Variants in MED27 observed in about 807,000 individuals in gnomAD.
The protein encoded by MED27 is mediator of RNA polymerase II transcription subunit 27.
In MED27, 30 loss-of-function variants were observed where a neutral mutation model predicts 38.2. That is an observed-to-expected ratio of 0.79 (90% CI 0.59 to 1.07). MED27 has a LOEUF of 1.07. Ranked by LOEUF, MED27 falls within the 50% of genes least tolerant of loss-of-function variation. MED27 has a pLI of 0.00. For missense variants in MED27, 289 were observed against 397.5 expected, an observed-to-expected ratio of 0.73 and a Z score of 2.32; for synonymous variants, 122 against 153.5, an observed-to-expected ratio of 0.79 and a Z score of 1.52.
chr9:131,867,522 C>T (rs949487222), intron 6 of MED27, among the ~76,000 whole-genome samples: 1 of 152,228 alleles, frequency 6.6e-6, no homozygotes, highest in African/African-American at 2.4e-5. Flanking sequence ...GGAAATGGGC[C>T]ACCATGTTGG....
At chr9:132,005,655 A>G (rs1392150771) in intron 3 of MED27, among the ~76,000 whole-genome samples, 1 of 152,202 alleles carries the variant, frequency 6.6e-6, no homozygotes, top group Admixed American at 6.5e-5. Context: ...ATAATTTTCC[A>G]TCTAAGATCC....
chr9:132,077,668 C>A, intron 1 of MED27, 82 bp from the exon 2 acceptor site: 2 of 1,392,762 alleles, frequency 1.4e-6, no homozygotes, highest in East Asian at 4.8e-5. Context: ...TCAAAGACTG[C>A]TCTTCAAACC....
intron 2 of MED27, among the ~76,000 whole-genome samples, chr9:132,054,952 T>C (rs541077580): frequency 6.6e-6 from 1 of 152,232 alleles, no homozygotes; most frequent in East Asian, 1.9e-4. Flanking sequence ...CCTGGTCTTC[T>C]CTAGGGTACC....
In MED27 at chr9:131,883,053, G is replaced by A. The variant is rs1413786274; in HGVS notation, c.723+1005C>T. The stretch of plus-strand genomic sequence containing the variant: ...CTCCTGAGTAGCTAGGATTATAGGC[G>A]CCCGCCACCATGCCCGGCTAATTTT... On this transcript the variant is annotated intron_variant, in intron 6 of 7. Coordinates refer to ENST00000292035, the MANE Select transcript of MED27 (RefSeq NM_004269.4). This position sits in a 1 kb window ranked among gnomAD's most constrained non-coding sequence, Gnocchi z 4.2. 2.0e-5 allele frequency among the ~76,000 whole-genome samples: 3 copies of A among 152,056 alleles called. No individual in the cohort carries two copies. Among genetic ancestry groups the A allele is most frequent in the African/African-American group, 7.2e-5 (3 of 41,380 alleles).
At chr9:132,018,716 C>A (rs1009187566) in intron 2 of MED27, among the ~76,000 whole-genome samples, 2 of 152,168 alleles carry the variant, frequency 1.3e-5, no homozygotes, top group African/African-American at 4.8e-5. Flanking sequence ...CACTGCTCTA[C>A]CCTTGCCATC....
At chr9:132,034,821 T>C (rs1310381867) in intron 2 of MED27, among the ~76,000 whole-genome samples, 2 of 152,176 alleles carry the variant, frequency 1.3e-5, no homozygotes. Flanking sequence ...ATGTAGGTCT[T>C]CATTATAAAA....
chr9:131,902,363 T>C (rs781583493), intron 4 of MED27, among the ~76,000 whole-genome samples: 1 of 152,032 alleles, frequency 6.6e-6, no homozygotes, highest in Admixed American at 6.6e-5. Flanking sequence ...GTTGCTTCTT[T>C]CTAGGAAAAC....
chr9:131,871,792 C>T (rs1482274273), intron 6 of MED27, among the ~76,000 whole-genome samples: 1 of 152,206 alleles, frequency 6.6e-6, no homozygotes, highest in African/African-American at 2.4e-5. Context: ...TCAAATGATC[C>T]TCCTGCCTCC....
chr9:132,014,927 A>C (rs1270231722), intron 2 of MED27, among the ~76,000 whole-genome samples: 1 of 152,222 alleles, frequency 6.6e-6, no homozygotes, highest in African/African-American at 2.4e-5. Context: ...TGCTTTATGT[A>C]AATGGTTTTA....
chr9:131,976,846 C>T (rs1433444597), intron 3 of MED27, among the ~76,000 whole-genome samples: 1 of 152,184 alleles, frequency 6.6e-6, no homozygotes, highest in African/African-American at 2.4e-5. Flanking sequence ...ATTATCTAAT[C>T]AGGAAAGACT....
rs1236224276 is a variant in MED27 at position 131,917,572 on chromosome 9, G to A, written c.573+21809C>T. On this transcript the variant is annotated intron_variant, in intron 4 of 7. Coordinates refer to ENST00000292035, the MANE Select transcript of MED27 (RefSeq NM_004269.4). This position sits in a 1 kb window ranked among gnomAD's most constrained non-coding sequence, Gnocchi z 4.6. ...AGTGAAGATGGGGTGGGGGGCTAGT[G>A]TGCAGGGACGAGGTAGGCTGATAGC... Among the ~76,000 whole-genome samples, 2 of 152,112 alleles carry A rather than the reference G, an allele frequency of 1.3e-5. No individual in the cohort carries two copies. The highest frequency in any genetic ancestry group is 4.8e-5 in the African/African-American group (2 of 41,416).
At chr9:131,886,060 G>A (rs1179423049) in intron 5 of MED27, among the ~76,000 whole-genome samples, 1 of 152,234 alleles carries the variant, frequency 6.6e-6, no homozygotes, top group African/African-American at 2.4e-5. Context: ...CCTTTAAGAA[G>A]ACAGGACAGG....
At chr9:131,897,095 G>A (rs1449368641) in intron 4 of MED27, among the ~76,000 whole-genome samples, 3 of 152,212 alleles carry the variant, frequency 2.0e-5, no homozygotes, top group Non-Finnish European at 4.4e-5. Flanking sequence ...CTGCTATATA[G>A]TCTTCACAAT....
At chr9:132,061,361 T>C (rs778949381) in intron 2 of MED27, among the ~76,000 whole-genome samples, 1 of 152,206 alleles carries the variant, frequency 6.6e-6, no homozygotes, top group Non-Finnish European at 1.5e-5. Context: ...TGCTAAGGTA[T>C]AAAAATAACC....
intron 3 of MED27, among the ~76,000 whole-genome samples, chr9:131,960,304 G>A (rs1012364948): frequency 1.3e-5 from 2 of 152,162 alleles, no homozygotes; most frequent in African/African-American, 4.8e-5. Context: ...CTCAGATTCA[G>A]TTGTGTCGTA....
chr9:131,920,925 C>T (rs963634334), intron 4 of MED27, among the ~76,000 whole-genome samples: 1 of 151,914 alleles, frequency 6.6e-6, no homozygotes, highest in Admixed American at 6.6e-5. Context: ...TCTGGCTTCA[C>T]GTGGAGAACT....
rs947656358 is a variant in MED27 at position 131,956,529 on chromosome 9, T to C, written c.480-17055A>G. On this transcript the variant is annotated intron_variant, in intron 3 of 7. Transcript: ENST00000292035. ...TACTCAGGAGGCTGAGGCACAAGAA[T>C]TGCTTGAACCCAGAAGGCAGCAGTT... 4.0e-5 allele frequency among the ~76,000 whole-genome samples: 6 copies of C among 151,716 alleles called. No homozygotes were observed. The East Asian group carries it at 1.2e-3, about 29-fold the overall frequency.
At chr9:132,004,030 C>A (rs1449305809) in intron 3 of MED27, among the ~76,000 whole-genome samples, 2 of 152,048 alleles carry the variant, frequency 1.3e-5, no homozygotes, top group Non-Finnish European at 2.9e-5. Flanking sequence ...TCTCTCTCCC[C>A]CACCAGGACT....
At chr9:132,058,576 T>C (rs1046157412) in intron 2 of MED27, among the ~76,000 whole-genome samples, 2 of 152,244 alleles carry the variant, frequency 1.3e-5, no homozygotes, top group Admixed American at 1.3e-4. Context: ...AGTGCAATTG[T>C]AAGTTTCTTG....
Sources: gnomAD v4.1 joint callset for allele counts (sites outside exome capture counted in the v4.1 genomes callset) on GRCh38, gnomAD v4.1.1 for gene constraint, Gnocchi (gnomAD v3.1) non-coding constraint, MANE v1.5 for transcripts, NCBI Gene and HGNC (gene_info 2026-07-23, HGNC 2026-07-21) for gene names.